The following N4BP2 variants were observed in gnomAD, a reference collection of about 807,000 sequenced individuals.
N4BP2 encodes NEDD4 binding protein 2.
N4BP2 carries 91 observed loss-of-function variants against 152.8 expected under a neutral mutation model. The ratio of observed to expected loss-of-function variants is 0.60; its 90% confidence interval spans 0.50 to 0.71. The LOEUF is 0.71. N4BP2 is among the 30% of genes least tolerant of loss of function. The pLI is 0.00. For synonymous variants in N4BP2, 646 were observed against 705.3 expected (o/e 0.92, Z 1.33); for missense variants, 1,923 against 2,059.1 (o/e 0.93, Z 1.28).
intron 14 of N4BP2, among the ~76,000 whole-genome samples, chr4:40,142,040 A>G (rs1194428964): frequency 6.7e-6 from 1 of 149,590 alleles, no homozygotes; most frequent in Non-Finnish European, 1.5e-5. Context: ...TGGCAGCAGG[A>G]CAGTCCAGCT....
chr4:40,174,535 G>A, the N4BP2 span, among the ~76,000 whole-genome samples: 1 of 151,942 alleles, frequency 6.6e-6, no homozygotes, highest in East Asian at 1.9e-4. Flanking sequence ...AGGTGCGGTG[G>A]CTCACGCCTG....
intron 1 of N4BP2, among the ~76,000 whole-genome samples, chr4:40,066,308 T>G (rs558073077): frequency 1.5e-5 from 2 of 135,334 alleles, no homozygotes; most frequent in Admixed American, 1.8e-4. Context: ...GGATTTCTAT[T>G]TGTGATTTTC....
intron 2 of N4BP2, among the ~76,000 whole-genome samples, chr4:40,088,219 G>A (rs111791984): frequency 1.7e-3 from 259 of 152,052 alleles, no homozygotes; most frequent in African/African-American, 5.9e-3. Context: ...CCAGTTTTTG[G>A]TTATTATGAA....
chr4:40,145,935 G>T (rs1307564992), intron 16 of N4BP2, among the ~76,000 whole-genome samples: 3 of 152,108 alleles, frequency 2.0e-5, no homozygotes, highest in Non-Finnish European at 4.4e-5. Flanking sequence ...GCCGAGGTGG[G>T]CGGATCACCT....
At chr4:40,117,542 A>C (rs1717455960) in intron 7 of N4BP2, among the ~76,000 whole-genome samples, 2 of 152,232 alleles carry the variant, frequency 1.3e-5, no homozygotes, top group African/African-American at 4.8e-5. Context: ...TCATATATTA[A>C]GTTCAACCAA....
chr4:40,120,780 C>A lies in N4BP2; in HGVS notation c.2669C>A (p.Ser890Tyr). 6.2e-7 allele frequency: 1 copy of A among 1,614,160 alleles called. No homozygotes were observed. The highest frequency in any genetic ancestry group is 1.1e-5 in the South Asian group (1 of 91,082). The stretch of plus-strand genomic sequence containing the variant: ...ATGGGTGACTGGCCTTCATCTGATT[C>A]TTTAGCTCAGAGGGAACACAGATCA... ...NIMGDWPSSD[S>Y]LAQREHRSRM... Residue 890 changes from serine to tyrosine, a missense_variant, in exon 9 of 18, where the codon TCT becomes TAT. Physicochemically the swap from Ser to Tyr is moderately radical, Grantham distance 144. Coordinates refer to ENST00000261435, the MANE Select transcript of N4BP2 (RefSeq NM_018177.6).
chr4:40,123,175 C>A lies in N4BP2; in HGVS notation c.4247C>A (p.Ala1416Glu). 1 of 1,612,492 alleles carries A rather than the reference C, an allele frequency of 6.2e-7. No homozygotes were observed. The highest frequency in any genetic ancestry group is 8.5e-7 in the Non-Finnish European group (1 of 1,178,854). Reference protein sequence around the residue: ...DCVVHIDLNLAKVIHEKWKES... With the variant: ...DCVVHIDLNLEKVIHEKWKES... ...GTGGTTCATATAGATCTGAATCTGG[C>A]GAAAGTGATTCATGAGAAATGGAAA... The change falls in exon 10 of 18, where the codon GCG becomes GAG. Residue 1416 changes from alanine to glutamate, a missense_variant. Ala to Glu is a moderately radical substitution (Grantham distance 107, BLOSUM62 -1). Coordinates refer to ENST00000261435, the MANE Select transcript of N4BP2 (RefSeq NM_018177.6).
Position 40,156,952 on chromosome 4 carries a change from A to AT in N4BP2, c.*2718dup, listed in dbSNP as rs1441537032. ...TAGGGGATACTCACTCAACCTGTAT[A>AT]TTTGTGCTAATACATGACTCATTAG... On this transcript the variant is annotated 3_prime_UTR_variant, in exon 18 of 18. Transcript: ENST00000261435. 2.6e-5 allele frequency: 4 copies of AT among 152,148 alleles called. No homozygotes were observed. Among genetic ancestry groups the AT allele is most frequent in the African/African-American group, 9.7e-5 (4 of 41,450 alleles). 9.4% of individuals were successfully genotyped at this position (152,148 alleles called of 1,614,324 possible). A position where few individuals can be genotyped will look rare whatever the true frequency, so the allele number is the denominator to read the frequency against.
chr4:40,091,912 A>G (rs541655217), intron 2 of N4BP2, among the ~76,000 whole-genome samples: 1 of 144,074 alleles, frequency 6.9e-6, no homozygotes, highest in African/African-American at 2.5e-5. Context: ...CCCCGCCAAA[A>G]TTCAACAATA....
chr4:40,119,350 TTAAC>T (rs1241728478), intron 8 of N4BP2, among the ~76,000 whole-genome samples: 4 of 152,294 alleles, frequency 2.6e-5, no homozygotes, highest in Non-Finnish European at 4.4e-5. Context: ...TCGAGAAAAA[TTAAC>T]TAAAGTTGAG....
chr4:40,122,078 A>G lies in N4BP2; in HGVS notation c.3967A>G (p.Lys1323Glu). ...RNENFPKDYV[K>E]FSDEEEFMNE... ...TGAAAATTTTCCAAAGGATTATGTG[A>G]AATTTTCAGATGAAGAAGAATTTAT... Residue 1323 changes from lysine (K) to glutamate (E), a missense_variant, in exon 9 of 18, where the codon AAA (lysine) becomes GAA (glutamate). Lys to Glu is a moderately conservative substitution (Grantham distance 56, BLOSUM62 1). Coordinates refer to ENST00000261435, the MANE Select transcript of N4BP2 (RefSeq NM_018177.6). 1 of 1,565,814 alleles carries G rather than the reference A, an allele frequency of 6.4e-7. No individual in the cohort carries two copies.
At chr4:40,066,030 AAGCG>A (rs1234899115) in intron 1 of N4BP2, among the ~76,000 whole-genome samples, 1 of 151,850 alleles carries the variant, frequency 6.6e-6, no homozygotes, top group Non-Finnish European at 1.5e-5. Context: ...TCCTGGGTTC[AAGCG>A]ATTCTCCTGC....
intron 2 of N4BP2, among the ~76,000 whole-genome samples, chr4:40,094,033 C>T (rs1260788015): frequency 6.6e-6 from 1 of 152,184 alleles, no homozygotes; most frequent in Non-Finnish European, 1.5e-5. Context: ...GCGTGAGCCA[C>T]CACACCTGGC....
chr4:40,154,104 C>A, intron 17 of N4BP2, 88 bp from the exon 18 acceptor site: 1 of 873,594 alleles, frequency 1.1e-6, no homozygotes, highest in Non-Finnish European at 1.9e-6. Context: ...TTATATTAAG[C>A]GTAGGTACTT....
At position 40,136,606 on chromosome 4, in the gene N4BP2, C is replaced by G. The variant is rs1373403970; in HGVS notation, c.4647-338C>G. Among the ~76,000 whole-genome samples, 4 of 151,988 alleles carry G rather than the reference C, an allele frequency of 2.6e-5. 1 individual carries two copies. Among genetic ancestry groups the G allele is most frequent in the Non-Finnish European group, 5.9e-5 (4 of 67,980 alleles). ...TTCACCATGTTGGCCAGGCTAGTCT[C>G]TTAACTCCTGACCTCAAGTGATCCA... On this transcript the variant is annotated intron_variant, in intron 13 of 17. Coordinates refer to ENST00000261435, the MANE Select transcript of N4BP2 (RefSeq NM_018177.6).
the N4BP2 span, among the ~76,000 whole-genome samples, chr4:40,163,540 A>G: frequency 5.3e-5 from 8 of 152,360 alleles, no homozygotes; most frequent in Admixed American, 1.3e-4. Flanking sequence ...GGTTTTCCTC[A>G]CGAATACAGA....
chr4:40,143,903 A>C (rs1440112676), intron 15 of N4BP2, among the ~76,000 whole-genome samples: 1 of 152,134 alleles, frequency 6.6e-6, no homozygotes, highest in Non-Finnish European at 1.5e-5. Flanking sequence ...TGGCTCTCAC[A>C]GTCATAGAGG....
At chr4:40,174,779 G>A in the N4BP2 span, among the ~76,000 whole-genome samples, 1 of 152,092 alleles carries the variant, frequency 6.6e-6, no homozygotes, top group Non-Finnish European at 1.5e-5. Context: ...TCCAGTCTGG[G>A]CGACAGAGTG....
chr4:40,113,482 G>A lies in N4BP2; in HGVS notation c.1638G>A (p.Trp546Ter). The A allele has an allele frequency of 6.2e-7, 1 of 1,613,508 alleles. No individual in the cohort carries two copies. Among genetic ancestry groups the A allele is most frequent in the Non-Finnish European group, 8.5e-7 (1 of 1,179,658 alleles). ...KVLFREPDTW[W>*]KFKPKELARR... ...TTTTTCGGGAACCAGACACATGGTG[G>A]AAGTTTAAACCAAAGGAACTTGCAA... is the stretch of plus-strand genomic sequence containing the variant. Residue 546 changes from tryptophan (W) to a stop codon, truncating the protein, a stop_gained, in exon 7 of 18, where the codon TGG (tryptophan) becomes TGA (stop). Transcript: ENST00000261435. LOFTEE classifies it high-confidence loss of function.
Sources: gnomAD v4.1 joint callset for allele counts (sites outside exome capture counted in the v4.1 genomes callset) on GRCh38, gnomAD v4.1.1 for gene constraint, MANE v1.5 for transcripts, NCBI Gene and HGNC (gene_info 2026-07-23, HGNC 2026-07-21) for gene names.